GARIN2: variants seen among roughly 807,000 people sequenced by gnomAD.
GARIN2 encodes the protein Golgi-associated RAB2 interactor protein 2.
chr14:67,219,277 G>A, the GARIN2 span, among the ~76,000 whole-genome samples: 1 of 152,154 alleles, frequency 6.6e-6, no homozygotes, highest in Non-Finnish European at 1.5e-5. Context: ...TTCTGCTTAC[G>A]TTTTCCCTGC....
the GARIN2 span, among the ~76,000 whole-genome samples, chr14:67,193,644 T>TA: frequency 1.4e-5 from 2 of 147,320 alleles, no homozygotes; most frequent in African/African-American, 4.9e-5. Context: ...TAGATATAGA[T>TA]ATATAGAAAT....
chr14:67,200,057 C>A, the GARIN2 span: 3 of 938,334 alleles, frequency 3.2e-6, no homozygotes, highest in Admixed American at 2.6e-5. Context: ...GGGGGACAGC[C>A]ACCACCCCAA....
chr14:67,199,019 A>C, the GARIN2 span: 1 of 712,854 alleles, frequency 1.4e-6, no homozygotes, highest in Non-Finnish European at 2.6e-6. Flanking sequence ...AGGACAACAG[A>C]CACTTCAAAA....
chr14:67,190,369 A>G, the GARIN2 span, among the ~76,000 whole-genome samples: 2 of 151,452 alleles, frequency 1.3e-5, no homozygotes, highest in Non-Finnish European at 2.9e-5. Flanking sequence ...GACTACAGGT[A>G]CACACCACCA....
At chr14:67,219,665 T>TA in the GARIN2 span, among the ~76,000 whole-genome samples, 1 of 152,148 alleles carries the variant, frequency 6.6e-6, no homozygotes, top group African/African-American at 2.4e-5. Flanking sequence ...TTAGAAATGA[T>TA]AAAAAATGAA....
the GARIN2 span, chr14:67,203,094 G>A: frequency 1.2e-6 from 2 of 1,611,604 alleles, no homozygotes; most frequent in South Asian, 2.2e-5. Context: ...CTGCACTCAG[G>A]TCAACAGAAG....
chr14:67,199,808 C>T, the GARIN2 span: 1 of 1,511,052 alleles, frequency 6.6e-7, no homozygotes, highest in African/African-American at 1.4e-5. Flanking sequence ...AGTGCTGCCT[C>T]CTGGAGCCCT....
chr14:67,213,626 C>T, the GARIN2 span, among the ~76,000 whole-genome samples: 21 of 152,180 alleles, frequency 1.4e-4, no homozygotes, highest in East Asian at 1.2e-3. Context: ...AATAAACTTA[C>T]GTGTGCATGT....
chr14:67,204,833 T>C, the GARIN2 span: 4 of 1,613,862 alleles, frequency 2.5e-6, no homozygotes, highest in Middle Eastern at 1.6e-4. Context: ...ACCCCGTACA[T>C]GTATGCAGGT....
At chr14:67,215,406 GT>G in the GARIN2 span, among the ~76,000 whole-genome samples, 171 of 109,448 alleles carry the variant, frequency 1.6e-3, no homozygotes, top group East Asian at 6.2e-3. Flanking sequence ...CTGATCTATT[GT>G]TTTTTTTTTT....
At chr14:67,228,375 T>A in the GARIN2 span, 2 of 497,446 alleles carry the variant, frequency 4.0e-6, no homozygotes, top group East Asian at 3.0e-4. Context: ...ACTAAAAATA[T>A]TCTCTATTTC....
chr14:67,212,625 TTATATATAATATATATTACATA>T, the GARIN2 span, among the ~76,000 whole-genome samples: 2 of 145,126 alleles, frequency 1.4e-5, no homozygotes, highest in South Asian at 2.1e-4. Flanking sequence ...GTAATATATA[TTATATATAATATATATTACATA>T]TATATATAAT....
chr14:67,201,622 G>A, the GARIN2 span: 1 of 443,432 alleles, frequency 2.3e-6, no homozygotes, highest in South Asian at 1.6e-5. Flanking sequence ...GGGGTGTGGA[G>A]TGGAACCACC....
At chr14:67,208,225 G>C in the GARIN2 span, 9 of 1,613,658 alleles carry the variant, frequency 5.6e-6, no homozygotes, top group Non-Finnish European at 6.8e-6. Flanking sequence ...ACATTCTGAA[G>C]CCTGGGTGTT....
At chr14:67,203,190 G>T in the GARIN2 span, 1 of 1,613,984 alleles carries the variant, frequency 6.2e-7, no homozygotes. Context: ...GATCCCCAAT[G>T]TGATGCTACT....
the GARIN2 span, among the ~76,000 whole-genome samples, chr14:67,203,642 T>C: frequency 1.3e-5 from 2 of 152,204 alleles, no homozygotes; most frequent in Non-Finnish European, 2.9e-5. Context: ...CATGAGCAAA[T>C]TGCTTAACTT....
the GARIN2 span, among the ~76,000 whole-genome samples, chr14:67,203,929 A>T: frequency 6.6e-6 from 1 of 152,110 alleles, no homozygotes; most frequent in Non-Finnish European, 1.5e-5. Context: ...TCAGGCTGGT[A>T]TTGAACTCCT....
the GARIN2 span, among the ~76,000 whole-genome samples, chr14:67,193,184 A>G: frequency 2.8e-5 from 4 of 140,538 alleles, no homozygotes; most frequent in Non-Finnish European, 6.1e-5. Context: ...ATCTCTATAT[A>G]GACATCTATC....
chr14:67,217,833 T>C, the GARIN2 span, among the ~76,000 whole-genome samples: 21 of 152,300 alleles, frequency 1.4e-4, no homozygotes, highest in Admixed American at 1.1e-3. Flanking sequence ...TGGAGAATTA[T>C]TGTTTTTCTT....
Sources: gnomAD v4.1 joint callset for allele counts (sites outside exome capture counted in the v4.1 genomes callset) on GRCh38, gnomAD v4.1.1 for gene constraint, MANE v1.5 for transcripts, NCBI Gene and HGNC (gene_info 2026-07-23, HGNC 2026-07-21) for gene names.